IFT74: variants seen among roughly 807,000 people sequenced by gnomAD.
IFT74 encodes the protein intraflagellar transport protein 74 homolog.
A neutral mutation model predicts 96.7 loss-of-function variants in IFT74; 92 were observed. The observed-to-expected ratio is 0.95, with a 90% CI of 0.80 to 1.13. The LOEUF (loss-of-function observed/expected upper bound fraction) is 1.13. Among genes scored for constraint, IFT74 ranks in the 50% most tolerant of loss-of-function variants. The pLI, the probability that IFT74 is intolerant of heterozygous loss-of-function variation, is 0.00. For missense variants in IFT74, 811 were observed against 698.2 expected (o/e 1.16, Z -1.82); for synonymous variants, 223 against 213.2 (o/e 1.05, Z -0.40).
At chr9:27,002,254 C>G (rs1828538654) in intron 8 of IFT74, among the ~76,000 whole-genome samples, 2 of 152,226 alleles carry the variant, frequency 1.3e-5, no homozygotes, top group South Asian at 4.1e-4. Context: ...GCCTCAGCCT[C>G]CTGAGTAGCT....
chr9:27,010,811 A>G (rs1165665154), intron 9 of IFT74, among the ~76,000 whole-genome samples: 2 of 152,156 alleles, frequency 1.3e-5, no homozygotes, highest in African/African-American at 4.8e-5. Flanking sequence ...GAGAACATGC[A>G]ATATTAAATA....
Position 27,011,918 on chromosome 9 carries a change from C to G in IFT74, c.739C>G (p.Leu247Val), listed in dbSNP as rs776535555. 1.3e-6 allele frequency: 2 copies of G among 1,572,996 alleles called. No individual in the cohort carries two copies. The highest frequency in any genetic ancestry group is 3.7e-5 in the Admixed American group (2 of 54,140). ...NEKLLQELDT[L>V]QQQLDSQNMK... is the part of the protein sequence containing the mutation. ...TTTTTCCACTTAGGAATTAGATACA[C>G]TTCAACAACAATTGGATTCACAGAA... Residue 247 changes from leucine to valine, a missense_variant, in exon 10 of 20, where the codon CTT becomes GTT. Physicochemically the swap from Leu to Val is conservative, Grantham distance 32 (BLOSUM62 1). Transcript: ENST00000380062.
In IFT74 at chr9:26,984,516, T is replaced by C; in HGVS notation, c.422T>C (p.Val141Ala). ...SYEKRAETLA[V>A]EIKELQGQLA... ...GCTTTCAGGGCTGAGACTTTAGCTG[T>C]TGAGATAAAAGAGCTTCAAGGACAA... The change falls in exon 6 of 20, where the codon GTT becomes GCT. Residue 141 changes from valine to alanine, a missense_variant. Coordinates refer to ENST00000380062, the MANE Select transcript of IFT74 (RefSeq NM_025103.4). The C allele has an allele frequency of 6.2e-7, 1 of 1,612,530 alleles. No homozygotes were observed. Among genetic ancestry groups the C allele is most frequent in the Non-Finnish European group, 8.5e-7 (1 of 1,178,918 alleles).
chr9:26,954,435 C>T (rs906308207), upstream of IFT74, among the ~76,000 whole-genome samples: 6 of 152,150 alleles, frequency 3.9e-5, no homozygotes. Flanking sequence ...TGGGGGAGCC[C>T]CAAACCACTT....
At chr9:26,969,945 G>C (rs996918115) in intron 2 of IFT74, among the ~76,000 whole-genome samples, 1 of 151,956 alleles carries the variant, frequency 6.6e-6, no homozygotes, top group East Asian at 1.9e-4. Context: ...ATTCGTGGCT[G>C]ACAATTTTTT....
chr9:26,971,689 C>G (rs1184458226), intron 2 of IFT74, among the ~76,000 whole-genome samples: 1 of 152,144 alleles, frequency 6.6e-6, no homozygotes, highest in Non-Finnish European at 1.5e-5. Flanking sequence ...TTTTGATGCC[C>G]TGGGACATGT....
chr9:27,013,775 T>C (rs1829220533), intron 10 of IFT74, among the ~76,000 whole-genome samples: 3 of 152,238 alleles, frequency 2.0e-5, no homozygotes. Context: ...CCTGATTTCC[T>C]GTGGATTCAG....
chr9:26,978,112 C>G lies in IFT74; in HGVS notation c.121-16C>G. 6.4e-7 allele frequency: 1 copy of G among 1,553,978 alleles called. No homozygotes were observed. On this transcript the variant is annotated splice_polypyrimidine_tract_variant and intron_variant, in intron 2 of 19. Transcript: ENST00000380062. ...TTTTCTGGTTTACTAAAAATGAAAT[C>G]TTGTTTGTCATTTAGATGCCACCTG...
intron 13 of IFT74, among the ~76,000 whole-genome samples, chr9:27,029,664 A>G (rs1221927924): frequency 6.6e-6 from 1 of 152,160 alleles, no homozygotes; most frequent in Non-Finnish European, 1.5e-5. Context: ...CAGGAGAATC[A>G]CTTGAACTCG....
intron 8 of IFT74, chr9:26,998,379 C>A (rs1828287365): frequency 2.0e-6 from 1 of 502,736 alleles, no homozygotes; most frequent in South Asian, 4.2e-5. Flanking sequence ...TTTGGTGTTA[C>A]AGTAGAGCAA....
intron 9 of IFT74, among the ~76,000 whole-genome samples, chr9:27,010,760 G>A (rs1446405250): frequency 2.6e-5 from 4 of 151,984 alleles, no homozygotes; most frequent in African/African-American, 9.7e-5. Flanking sequence ...GAGCCACTGT[G>A]CCCGGCCGAG....
intron 6 of IFT74, among the ~76,000 whole-genome samples, chr9:26,988,439 C>T (rs1199494506): frequency 1.3e-5 from 2 of 152,194 alleles, no homozygotes; most frequent in Non-Finnish European, 2.9e-5. Context: ...TTTATTACTG[C>T]TCATTTATCC....
intron 2 of IFT74, among the ~76,000 whole-genome samples, chr9:26,973,930 G>T (rs1587264859): frequency 6.6e-6 from 1 of 152,280 alleles, no homozygotes; most frequent in East Asian, 1.9e-4. Flanking sequence ...AAAGTCATGA[G>T]TGGAAGGACT....
At chr9:27,037,220 C>CAAAAA (rs11354662) in intron 13 of IFT74, among the ~76,000 whole-genome samples, 2 of 91,384 alleles carry the variant, frequency 2.2e-5, no homozygotes, top group Non-Finnish European at 4.4e-5. Flanking sequence ...AATCCCATCT[C>CAAAAA]AAAAAAAAAA....
chr9:27,010,550 C>T (rs1335257544), intron 9 of IFT74, among the ~76,000 whole-genome samples: 6 of 145,664 alleles, frequency 4.1e-5, no homozygotes, highest in Non-Finnish European at 9.1e-5. Context: ...AGTGCAGTGG[C>T]GCGATCTCGG....
chr9:26,956,677 G>T (rs1324770641), intron 1 of IFT74, among the ~76,000 whole-genome samples, 161 bp downstream of exon 1: 1 of 152,180 alleles, frequency 6.6e-6, no homozygotes, highest in East Asian at 1.9e-4. Flanking sequence ...AATTCTAGTC[G>T]AGCGAAGGTT....
intron 8 of IFT74, among the ~76,000 whole-genome samples, chr9:27,001,984 G>T (rs1397753326): frequency 2.7e-5 from 4 of 150,880 alleles, no homozygotes; most frequent in African/African-American, 9.8e-5. Flanking sequence ...AATTGACTCA[G>T]TTCCACAGGC....
intron 4 of IFT74, among the ~76,000 whole-genome samples, chr9:26,980,938 A>C (rs1827349118): frequency 6.6e-6 from 1 of 152,138 alleles, no homozygotes; most frequent in Non-Finnish European, 1.5e-5. Context: ...ATAGGAATTT[A>C]TTTCTTACTG....
intron 8 of IFT74, among the ~76,000 whole-genome samples, chr9:27,004,480 G>A (rs1273337316): frequency 2.0e-5 from 3 of 152,148 alleles, no homozygotes; most frequent in African/African-American, 7.2e-5. Context: ...ATTGAAAGAG[G>A]GGGTGATGTC....
Sources: allele counts gnomAD v4.1 joint callset (sites outside exome capture counted in the v4.1 genomes callset), GRCh38; gene constraint gnomAD v4.1.1; transcripts MANE v1.5; gene names NCBI Gene and HGNC (gene_info 2026-07-23, HGNC 2026-07-21).